Variants in GRM8 observed in about 807,000 individuals in gnomAD.
GRM8 encodes metabotropic glutamate receptor 8.
A neutral mutation model predicts 87.2 loss-of-function variants in GRM8; 47 were observed. The ratio of observed to expected loss-of-function variants is 0.54; its 90% CI spans 0.43 to 0.69. GRM8 has a LOEUF of 0.69. Among genes scored for constraint, GRM8 ranks in the 30% least tolerant of loss-of-function variants. GRM8 has a pLI of 0.00. For synonymous variants in GRM8, 396 were observed against 404.5 expected (o/e 0.98, Z 0.25); for missense variants, 1,019 against 1,139.2 (o/e 0.89, Z 1.52).
intron 6 of GRM8, among the ~76,000 whole-genome samples, chr7:126,808,800 C>G (rs372999447): frequency 2.0e-5 from 3 of 152,296 alleles, no homozygotes; most frequent in East Asian, 3.9e-4. Flanking sequence ...GAGTCCTCCT[C>G]TATTCATTAT....
chr7:126,496,970 A>AC (rs1554364327), intron 9 of GRM8, among the ~76,000 whole-genome samples: 2 of 143,010 alleles, frequency 1.4e-5, no homozygotes, highest in African/African-American at 5.1e-5. Flanking sequence ...TGAGTTTTGG[A>AC]TTTTTTTTTT....
intron 9 of GRM8, among the ~76,000 whole-genome samples, chr7:126,458,006 T>A (rs1803449270): frequency 7.1e-6 from 1 of 141,588 alleles, no homozygotes; most frequent in African/African-American, 2.6e-5. Context: ...GCAAATTACT[T>A]CTAAATGTTG....
At chr7:126,755,397 T>C (rs185942455) in intron 7 of GRM8, among the ~76,000 whole-genome samples, 15 of 152,120 alleles carry the variant, frequency 9.9e-5, no homozygotes, top group South Asian at 6.2e-4. Context: ...AAAAAATGTC[T>C]GAAATGTCAG....
Position 127,015,237 on chromosome 7 carries a change from AG to A in GRM8, c.727+91258del, listed in dbSNP as rs1431912824. Among the ~76,000 whole-genome samples, 555 of 136,048 alleles carry A rather than the reference AG, an allele frequency of 4.1e-3. 20 individuals carry two copies. The highest frequency in any genetic ancestry group is 0.014 in the East Asian group (56 of 4,030). The allele number at this position is 136,048 out of a possible 152,430, so 89.3% of individuals were successfully genotyped here. On this transcript the variant is annotated intron_variant, in intron 3 of 10. Coordinates refer to ENST00000339582, the MANE Select transcript of GRM8 (RefSeq NM_000845.3). ...AAGAAGAAGAAGAAGAAGAAGAAGA[AG>A]AAGAAGAAGAAGAAGAAGAAGAAAA... is the stretch of plus-strand genomic sequence containing the variant.
chr7:126,542,633 G>A (rs1412603951), intron 8 of GRM8, among the ~76,000 whole-genome samples: 1 of 152,226 alleles, frequency 6.6e-6, no homozygotes, highest in Non-Finnish European at 1.5e-5. Flanking sequence ...TTAGAACATG[G>A]TGTGTATCAA....
At chr7:126,440,287 C>T (rs1181750759) in intron 10 of GRM8, among the ~76,000 whole-genome samples, 1 of 151,486 alleles carries the variant, frequency 6.6e-6, no homozygotes, top group African/African-American at 2.4e-5. Context: ...TGGCACATGC[C>T]TGTAATCCCA....
At chr7:127,205,935 T>A (rs923946908) in intron 2 of GRM8, among the ~76,000 whole-genome samples, 14 of 152,254 alleles carry the variant, frequency 9.2e-5, no homozygotes, top group Non-Finnish European at 1.9e-4. Context: ...ATGACCATTA[T>A]CTCTTACAAC....
At chr7:126,721,316 G>A (rs1319509915) in intron 7 of GRM8, among the ~76,000 whole-genome samples, 1 of 152,108 alleles carries the variant, frequency 6.6e-6, no homozygotes, top group Non-Finnish European at 1.5e-5. Context: ...CTGAAGTGCA[G>A]CCATCACTAA....
chr7:126,720,570 A>G (rs964096495), intron 7 of GRM8, among the ~76,000 whole-genome samples: 5 of 152,064 alleles, frequency 3.3e-5, no homozygotes, highest in Admixed American at 6.5e-5. Context: ...CAGTATATTC[A>G]TTTGAAAAGG....
intron 7 of GRM8, among the ~76,000 whole-genome samples, chr7:126,745,079 G>C (rs1412166008): frequency 6.6e-6 from 1 of 151,666 alleles, no homozygotes. Context: ...GCACACAAGA[G>C]CTTCCTGGAA....
Position 127,161,901 on chromosome 7 carries a change from T to C in GRM8, c.511-55189A>G, listed in dbSNP as rs532883405. On this transcript the variant is annotated intron_variant, in intron 2 of 10. Coordinates refer to ENST00000339582, the MANE Select transcript of GRM8 (RefSeq NM_000845.3). ...CACTGATTATACGATGTACCCTTAT[T>C]TTATGTGCTACTATGAGAGAAAAAA... Among the ~76,000 whole-genome samples, 28 of 152,270 alleles carry C rather than the reference T, an allele frequency of 1.8e-4. 1 individual carries two copies. In the South Asian group the frequency reaches 2.1e-3, roughly 11 times the overall value.
At chr7:127,092,927 G>A (rs1824294021) in intron 3 of GRM8, among the ~76,000 whole-genome samples, 1 of 152,138 alleles carries the variant, frequency 6.6e-6, no homozygotes, top group Non-Finnish European at 1.5e-5. Context: ...ACTGCACCTG[G>A]CAAGCTGGCC....
chr7:126,609,343 T>C lies in GRM8; in HGVS notation c.1494+19A>G, dbSNP rs751024782. ...CTGGAGAGCTATATACATTAATATA[T>C]GTTTATGACGATACTTGCTTTTAGA... On this transcript the variant is annotated intron_variant, in intron 8 of 10. Coordinates refer to ENST00000339582, the MANE Select transcript of GRM8 (RefSeq NM_000845.3). The C allele has an allele frequency of 6.9e-6, 11 of 1,601,740 alleles. No homozygotes were observed. The highest frequency in any genetic ancestry group is 8.5e-6 in the Non-Finnish European group (10 of 1,170,702).
intron 2 of GRM8, among the ~76,000 whole-genome samples, chr7:127,154,378 A>G (rs1792594613): frequency 1.3e-5 from 2 of 152,112 alleles, no homozygotes; most frequent in Admixed American, 1.3e-4. Flanking sequence ...TGATGTTGTA[A>G]GTCCCAAGCT....
At chr7:126,728,163 G>A (rs1813214071) in intron 7 of GRM8, among the ~76,000 whole-genome samples, 2 of 152,088 alleles carry the variant, frequency 1.3e-5, no homozygotes, top group African/African-American at 4.8e-5. Flanking sequence ...CCTCCCCACT[G>A]CCATTAGTGC....
intron 9 of GRM8, chr7:126,512,429 C>T (rs552643989): frequency 6.6e-6 from 1 of 152,258 alleles, no homozygotes; most frequent in South Asian, 2.1e-4. Context: ...CTGAGCCACA[C>T]TCTCGACACC....
chr7:127,129,189 A>G (rs1827541305), intron 2 of GRM8, among the ~76,000 whole-genome samples: 1 of 152,228 alleles, frequency 6.6e-6, no homozygotes, highest in Non-Finnish European at 1.5e-5. Context: ...TAACATTTTT[A>G]ATAAATCTAT....
intron 3 of GRM8, among the ~76,000 whole-genome samples, chr7:127,082,932 T>C (rs1238273156): frequency 2.0e-5 from 3 of 152,206 alleles, no homozygotes; most frequent in South Asian, 2.1e-4. Flanking sequence ...CCAGGCAGCA[T>C]GGCCTCAAAG....
chr7:126,496,378 A>T (rs1363168971), intron 9 of GRM8, among the ~76,000 whole-genome samples: 1 of 152,024 alleles, frequency 6.6e-6, no homozygotes, highest in Non-Finnish European at 1.5e-5. Flanking sequence ...CATTTCACAC[A>T]TTCCTGACAC....
Sources: allele counts gnomAD v4.1 joint callset (sites outside exome capture counted in the v4.1 genomes callset), GRCh38; gene constraint gnomAD v4.1.1; transcripts MANE v1.5; gene names NCBI Gene and HGNC (gene_info 2026-07-23, HGNC 2026-07-21).